The following TDRD5 variants were observed in gnomAD, a reference collection of about 807,000 sequenced individuals.
TDRD5 encodes tudor domain containing 5, also known as tudor domain-containing protein 5.
TDRD5 carries 41 observed loss-of-function variants against 120.6 expected under a neutral mutation model. The observed-to-expected ratio is 0.34, with a 90% CI of 0.26 to 0.44. The LOEUF is 0.44. TDRD5 is among the 20% of genes least tolerant of loss of function. The pLI is 1.00. For missense variants in TDRD5, 1,006 were observed against 1,221.2 expected (o/e 0.82, Z 2.63); for synonymous variants, 430 against 433.7 (o/e 0.99, Z 0.11).
chr1:179,605,903 G>T (rs778460714), intron 4 of TDRD5, among the ~76,000 whole-genome samples: 2 of 152,072 alleles, frequency 1.3e-5, no homozygotes, highest in African/African-American at 2.4e-5. Flanking sequence ...TGCTATAAAC[G>T]TGTGTGGGTT....
chr1:179,642,274 T>A (rs1159095845), intron 11 of TDRD5, among the ~76,000 whole-genome samples: 1 of 151,980 alleles, frequency 6.6e-6, no homozygotes, highest in Non-Finnish European at 1.5e-5. Flanking sequence ...CTAATTTTTT[T>A]ATTTTTGTAG....
intron 5 of TDRD5, 130 bp downstream of exon 5, chr1:179,618,812 C>T: frequency 1.7e-6 from 1 of 599,732 alleles, no homozygotes. Context: ...AGCAACAATT[C>T]TTTTAGACTA....
chr1:179,680,282 G>A (rs1680353605), intron 17 of TDRD5, among the ~76,000 whole-genome samples: 1 of 152,108 alleles, frequency 6.6e-6, no homozygotes, highest in African/African-American at 2.4e-5. Flanking sequence ...CTGATGATAG[G>A]CAAAGTATTT....
At chr1:179,621,511 C>T (rs1676842334) in intron 6 of TDRD5, among the ~76,000 whole-genome samples, 1 of 152,016 alleles carries the variant, frequency 6.6e-6, no homozygotes, top group Non-Finnish European at 1.5e-5. Context: ...TCTAGAGAAA[C>T]TCTTGCACAT....
At chr1:179,605,091 T>C (rs2101928538) in intron 4 of TDRD5, among the ~76,000 whole-genome samples, 1 of 152,314 alleles carries the variant, frequency 6.6e-6, no homozygotes, top group East Asian at 1.9e-4. Flanking sequence ...TTGTGATATT[T>C]TCCTGTTGGA....
intron 6 of TDRD5, among the ~76,000 whole-genome samples, chr1:179,625,869 G>A (rs1572362629): frequency 6.6e-6 from 1 of 152,060 alleles, no homozygotes; most frequent in East Asian, 1.9e-4. Context: ...ATACACCATG[G>A]AATACTATGC....
At chr1:179,647,098 T>A (rs1678417037) in intron 11 of TDRD5, among the ~76,000 whole-genome samples, 1 of 149,612 alleles carries the variant, frequency 6.7e-6, no homozygotes, top group Admixed American at 6.7e-5. Flanking sequence ...TGGAAAAAAC[T>A]ACTTTAAAGT....
chr1:179,669,048 G>A (rs1679717105), intron 16 of TDRD5, 146 bp from the exon 17 acceptor site: 2 of 815,694 alleles, frequency 2.5e-6, no homozygotes, highest in South Asian at 4.1e-5. Context: ...CCGGCTGAGA[G>A]TATCTAGGTT....
intron 17 of TDRD5, among the ~76,000 whole-genome samples, 195 bp downstream of exon 17, chr1:179,669,599 C>G (rs1371875765): frequency 6.6e-6 from 1 of 151,870 alleles, no homozygotes; most frequent in Non-Finnish European, 1.5e-5. Context: ...TTTTTCTGCA[C>G]TTTTGTTTTT....
At chr1:179,685,544 T>C (rs1203948202) in intron 17 of TDRD5, among the ~76,000 whole-genome samples, 1 of 152,208 alleles carries the variant, frequency 6.6e-6, no homozygotes. Flanking sequence ...TGGTTCCATA[T>C]GAACTTTAAA....
chr1:179,632,256 A>C (rs942937231), intron 7 of TDRD5, among the ~76,000 whole-genome samples: 1 of 152,102 alleles, frequency 6.6e-6, no homozygotes, highest in African/African-American at 2.4e-5. Flanking sequence ...TTAGATTCAC[A>C]TGGAGTTGTA....
At chr1:179,689,070 A>G (rs908886464) in intron 17 of TDRD5, among the ~76,000 whole-genome samples, 1 of 152,184 alleles carries the variant, frequency 6.6e-6, no homozygotes, top group African/African-American at 2.4e-5. Context: ...GTCATTCTCC[A>G]TCCAGCTTTG....
Position 179,638,892 on chromosome 1 carries a change from T to C in TDRD5, c.1521-947T>C, listed in dbSNP as rs1677899595. Among the ~76,000 whole-genome samples, 2 of 64,598 alleles carry C rather than the reference T, an allele frequency of 3.1e-5. 1 individual carries two copies. Among genetic ancestry groups the C allele is most frequent in the Admixed American group, 3.8e-4 (2 of 5,210 alleles). The allele number at this position is 64,598 out of a possible 152,430, so 42.4% of individuals were successfully genotyped here. ...TAGTATTCACATAGCCACACCTAGA[T>C]GCAGGAGAGCTTGGGAAACCTGAAT... On this transcript the variant is annotated intron_variant, in intron 9 of 17. Transcript: ENST00000444136.
intron 17 of TDRD5, among the ~76,000 whole-genome samples, chr1:179,680,187 T>C (rs1186940340): frequency 6.6e-6 from 1 of 152,178 alleles, no homozygotes; most frequent in Non-Finnish European, 1.5e-5. Flanking sequence ...ATTTTAATTC[T>C]TTAACATTTT....
chr1:179,662,274 A>C lies in TDRD5; in HGVS notation c.2493A>C (p.Glu831Asp). The C allele has an allele frequency of 6.2e-7, 1 of 1,607,754 alleles. No homozygotes were observed. Among genetic ancestry groups the C allele is most frequent in the Non-Finnish European group, 8.5e-7 (1 of 1,178,116 alleles). ...GGKNQYSSCK[E>D]MPQKDWCFST... Reference sequence around the variant, plus strand: ...AGAATCAGTATTCATCATGTAAAGAAATGCCACAGAAGGTTAGATCCTTGG... The same window carrying C: ...AGAATCAGTATTCATCATGTAAAGACATGCCACAGAAGGTTAGATCCTTGG... The change falls in exon 15 of 18, where the codon GAA becomes GAC. Residue 831 changes from glutamate (E) to aspartate (D), a missense_variant. This residue lies in a region of TDRD5 where 403 missense variants were observed against 448.1 expected (regional missense o/e 0.90). Coordinates refer to ENST00000444136, the MANE Select transcript of TDRD5 (RefSeq NM_001199085.3).
intron 4 of TDRD5, among the ~76,000 whole-genome samples, chr1:179,599,580 G>T (rs573726950): frequency 1.3e-5 from 2 of 151,094 alleles, no homozygotes; most frequent in African/African-American, 4.9e-5. Flanking sequence ...CTTTCGAGGT[G>T]CTGTCCATTT....
chr1:179,690,629 T>TGG (rs1172325267), intron 17 of TDRD5, 67 bp from the exon 18 acceptor site: 1 of 1,556,744 alleles, frequency 6.4e-7, no homozygotes, highest in Non-Finnish European at 8.7e-7. Context: ...AGAACTAGAA[T>TGG]GGGGGAGAGG....
chr1:179,592,570 C>T (rs749118358), intron 1 of TDRD5, 32 bp from the exon 2 acceptor site: 50 of 1,565,490 alleles, frequency 3.2e-5, no homozygotes, highest in Non-Finnish European at 4.1e-5. Flanking sequence ...GTGGGTTTGC[C>T]CCCTTTTCCT....
intron 17 of TDRD5, among the ~76,000 whole-genome samples, chr1:179,680,742 T>G (rs990140040): frequency 6.6e-6 from 1 of 151,856 alleles, no homozygotes; most frequent in African/African-American, 2.4e-5. Context: ...GGCAGGAGGG[T>G]CACTTGACCC....
Sources: gnomAD v4.1 joint callset for allele counts (sites outside exome capture counted in the v4.1 genomes callset) on GRCh38, gnomAD v4.1.1 for gene constraint, gnomAD v4.1.1 regional missense constraint, MANE v1.5 for transcripts, NCBI Gene and HGNC (gene_info 2026-07-23, HGNC 2026-07-21) for gene names.